CSF2: variants seen among roughly 807,000 people sequenced by gnomAD.
CSF2 encodes the protein colony stimulating factor 2, also known as granulocyte-macrophage colony-stimulating factor.
Under a neutral mutation model 13.5 loss-of-function variants are expected in CSF2, and 2 were observed. The observed-to-expected ratio is 0.15, with a 90% CI of 0.06 to 0.47. The LOEUF (loss-of-function observed/expected upper bound fraction) is 0.47. Among genes scored for constraint, CSF2 ranks in the 20% least tolerant of loss-of-function variants. The probability of loss-of-function intolerance (pLI) is 0.97; values close to 1 mark genes in which losing one functional copy is unlikely to be tolerated. For missense variants in CSF2, 141 were observed against 179.7 expected (o/e 0.78, Z 1.23); for synonymous variants, 66 against 69.2 (o/e 0.95, Z 0.23).
At chr5:132,074,403 A>T (rs907534662) in intron 2 of CSF2, among the ~76,000 whole-genome samples, 3 of 152,166 alleles carry the variant, frequency 2.0e-5, no homozygotes, top group Non-Finnish European at 2.9e-5. Context: ...ACTTCATGAG[A>T]CAGGAGCTGT....
chr5:132,073,837 G>A lies in CSF2; in HGVS notation c.14G>A (p.Ser5Asn). 1 of 1,612,550 alleles carries A rather than the reference G, an allele frequency of 6.2e-7. No individual in the cohort carries two copies. Residue 5 changes from serine (S) to asparagine (N), a missense_variant, in exon 1 of 4, where the codon AGC (serine) becomes AAC (asparagine). Transcript: ENST00000296871. MWLQ[S>N]LLLLGTVACS... ...GTTCTCTGGAGGATGTGGCTGCAGA[G>A]CCTGCTGCTCTTGGGCACTGTGGCC...
At chr5:132,075,302 C>T (rs559490286) in intron 3 of CSF2, among the ~76,000 whole-genome samples, 1 of 152,372 alleles carries the variant, frequency 6.6e-6, no homozygotes, top group South Asian at 2.1e-4. Context: ...TCTGGCCCCA[C>T]ATGGGGTGCT....
chr5:132,073,878 C>A lies in CSF2; in HGVS notation c.55C>A (p.Pro19Thr), dbSNP rs1756666687. Residue 19 changes from proline (P) to threonine (T), a missense_variant, in exon 1 of 4, where the codon CCC becomes ACC. Transcript: ENST00000296871. ...LGTVACSISA[P>T]ARSPSPSTQP... ...CACTGTGGCCTGCAGCATCTCTGCA[C>A]CCGCCCGCTCGCCCAGCCCCAGCAC... 1 of 1,613,042 alleles carries A rather than the reference C, an allele frequency of 6.2e-7. No homozygotes were observed.
chr5:132,074,925 C>T lies in CSF2; in HGVS notation c.317C>T (p.Pro106Leu), dbSNP rs753438778. 3.7e-6 allele frequency: 6 copies of T among 1,613,426 alleles called. No individual in the cohort carries two copies. The highest frequency in any genetic ancestry group is 5.1e-6 in the Non-Finnish European group (6 of 1,180,042). Residue 106 changes from proline (P) to leucine (L), a missense_variant, in exon 3 of 4, where the codon CCT (proline) becomes CTT (leucine). Physicochemically the swap from Pro to Leu is moderately conservative, Grantham distance 98. Transcript: ENST00000296871. ...MMASHYKQHC[P>L]PTPETSCATQ... ...GCCAGCCACTACAAGCAGCACTGCC[C>T]TCCAACCCCGGTGAGTGCCTACGGC... is the stretch of plus-strand genomic sequence containing the variant.
At chr5:132,074,152 C>T in intron 2 of CSF2, 30 bp downstream of exon 2, 1 of 1,613,322 alleles carries the variant, frequency 6.2e-7, no homozygotes, top group Non-Finnish European at 8.5e-7. Flanking sequence ...CATAGCTTTC[C>T]AGAAGCCCCT....
chr5:132,075,126 G>C (rs1023331325), intron 3 of CSF2, among the ~76,000 whole-genome samples, 191 bp downstream of exon 3: 1 of 152,220 alleles, frequency 6.6e-6, no homozygotes, highest in Non-Finnish European at 1.5e-5. Context: ...GCCACAGAGC[G>C]CTGAAGCCCA....
chr5:132,074,266 G>T (rs1756672082), intron 2 of CSF2, 144 bp downstream of exon 2: 2 of 924,766 alleles, frequency 2.2e-6, no homozygotes, highest in South Asian at 2.8e-5. Context: ...GCAACTGGGT[G>T]CTCAAGAGGC....
chr5:132,075,870 T>C lies in CSF2; in HGVS notation c.*18T>C, dbSNP rs1336799829. 5.7e-6 allele frequency: 9 copies of C among 1,574,346 alleles called. No homozygotes were observed. The Middle Eastern group carries it at 1.5e-3, about 263-fold the overall frequency. ...AGGAGTGAGACCGGCCAGATGAGGC[T>C]GGCCAAGCCGGGGAGCTGCTCTCTC... On this transcript the variant is annotated 3_prime_UTR_variant, in exon 4 of 4. Transcript: ENST00000296871.
intron 2 of CSF2, among the ~76,000 whole-genome samples, chr5:132,074,563 G>A (rs1756676427): frequency 6.6e-6 from 1 of 152,196 alleles, no homozygotes; most frequent in Non-Finnish European, 1.5e-5. Context: ...GATGGGGTGA[G>A]AGTCACCTCC....
intron 2 of CSF2, among the ~76,000 whole-genome samples, 171 bp downstream of exon 2, chr5:132,074,293 A>G (rs888230705): frequency 6.6e-6 from 1 of 152,120 alleles, no homozygotes; most frequent in Non-Finnish European, 1.5e-5. Flanking sequence ...CCGTGCCCCT[A>G]TGGCAGTCAC....
chr5:132,074,060 T>A, intron 1 of CSF2, 21 bp from the exon 2 acceptor site: 1 of 1,613,914 alleles, frequency 6.2e-7, no homozygotes, highest in Non-Finnish European at 8.5e-7. Flanking sequence ...CTTGATAACA[T>A]GACATTTTCC....
At position 132,073,892 on chromosome 5, in the gene CSF2, C is replaced by T. The variant is rs770447592; in HGVS notation, c.69C>T (p.Pro23=). 1.2e-5 allele frequency: 19 copies of T among 1,613,090 alleles called. 1 individual carries two copies. In the South Asian group the frequency reaches 1.6e-4, roughly 14 times the overall value. ...GCATCTCTGCACCCGCCCGCTCGCCCAGCCCCAGCACGCAGCCCTGGGAGC... is the reference window on the plus strand; with the variant it reads ...GCATCTCTGCACCCGCCCGCTCGCCTAGCCCCAGCACGCAGCCCTGGGAGC... ...ACSISAPARS[P]SPSTQPWEHV... is the part of the protein sequence containing the mutation. The change falls in exon 1 of 4, where the codon CCC becomes CCT. Residue 23 remains proline, a synonymous_variant. Coordinates refer to ENST00000296871, the MANE Select transcript of CSF2 (RefSeq NM_000758.4).
chr5:132,074,930 A>C lies in CSF2; in HGVS notation c.322A>C (p.Thr108Pro). 1 of 1,613,208 alleles carries C rather than the reference A, an allele frequency of 6.2e-7. No homozygotes were observed. The highest frequency in any genetic ancestry group is 8.5e-7 in the Non-Finnish European group (1 of 1,179,964). The stretch of plus-strand genomic sequence containing the variant: ...CCACTACAAGCAGCACTGCCCTCCA[A>C]CCCCGGTGAGTGCCTACGGCAGGGC... ...ASHYKQHCPP[T>P]PETSCATQII... Residue 108 changes from threonine (T) to proline (P), a missense_variant, in exon 3 of 4, where the codon ACC becomes CCC. Coordinates refer to ENST00000296871, the MANE Select transcript of CSF2 (RefSeq NM_000758.4).
At chr5:132,074,701 A>G in intron 2 of CSF2, 109 bp from the exon 3 acceptor site, 1 of 1,562,212 alleles carries the variant, frequency 6.4e-7, no homozygotes, top group Non-Finnish European at 8.8e-7. Flanking sequence ...TGCCCCTCCC[A>G]AGCCCTACTC....
intron 2 of CSF2, 137 bp from the exon 3 acceptor site, chr5:132,074,673 A>G (rs1756678112): frequency 2.8e-6 from 4 of 1,405,882 alleles, no homozygotes; most frequent in Non-Finnish European, 3.0e-6. Flanking sequence ...GGCAGGGTCT[A>G]TGACTGGACC....
At chr5:132,074,237 G>A in intron 2 of CSF2, 115 bp downstream of exon 2, 1 of 1,238,858 alleles carries the variant, frequency 8.1e-7, no homozygotes, top group Non-Finnish European at 1.2e-6. Flanking sequence ...CAGTCAGCTG[G>A]CTGCAGGAGG....
At chr5:132,074,180 G>A (rs1756671184) in intron 2 of CSF2, 58 bp downstream of exon 2, 1 of 1,588,214 alleles carries the variant, frequency 6.3e-7, no homozygotes, top group Non-Finnish European at 8.6e-7. Flanking sequence ...GGTGGAGGTG[G>A]GGACTCCATT....
At chr5:132,074,042 C>T (rs1756669493) in intron 1 of CSF2, 39 bp from the exon 2 acceptor site, 2 of 1,613,718 alleles carry the variant, frequency 1.2e-6, no homozygotes, top group Non-Finnish European at 1.7e-6. Context: ...ACTGGCCACG[C>T]CTGTCAGCTT....
Position 132,075,739 on chromosome 5 carries a change from T to G in CSF2, c.328-6T>G. On this transcript the variant is annotated splice_polypyrimidine_tract_variant and splice_region_variant and intron_variant, in intron 3 of 3. Transcript: ENST00000296871. ...TCAAGTGTTTTTTATTTTTCTTTTT[T>G]TAAAGGAAACTTCCTGTGCAACCCA... 6.2e-7 allele frequency: 1 copy of G among 1,602,180 alleles called. No individual in the cohort carries two copies. Among genetic ancestry groups the G allele is most frequent in the Non-Finnish European group, 8.5e-7 (1 of 1,176,772 alleles).
Sources: allele counts gnomAD v4.1 joint callset (sites outside exome capture counted in the v4.1 genomes callset), GRCh38; gene constraint gnomAD v4.1.1; transcripts MANE v1.5; gene names NCBI Gene and HGNC (gene_info 2026-07-23, HGNC 2026-07-21).